PTPN20: variants seen among roughly 807,000 people sequenced by gnomAD.
PTPN20 encodes the protein protein tyrosine phosphatase non-receptor type 20.
PTPN20 carries 9 observed loss-of-function variants against 35.0 expected under a neutral mutation model. The ratio of observed to expected loss-of-function variants is 0.26; its 90% confidence interval spans 0.15 to 0.45. The LOEUF (loss-of-function observed/expected upper bound fraction) is 0.45. Ranked by LOEUF, PTPN20 falls within the 20% of genes least tolerant of loss-of-function variation. The probability of loss-of-function intolerance (pLI) is 1.00; values close to 1 mark genes in which losing one functional copy is unlikely to be tolerated. For synonymous variants in PTPN20, 32 were observed against 100.2 expected (o/e 0.32, Z 4.06); for missense variants, 111 against 312.5 (o/e 0.36, Z 4.86).
At chr10:47,000,194 G>C (rs2059863126) in intron 10 of PTPN20, among the ~76,000 whole-genome samples, 1 of 152,086 alleles carries the variant, frequency 6.6e-6, no homozygotes, top group Non-Finnish European at 1.5e-5. Flanking sequence ...AGATAGAAGG[G>C]GAGGAGCCAA....
At chr10:46,998,219 C>T (rs965841207) in intron 9 of PTPN20, among the ~76,000 whole-genome samples, 9 of 152,108 alleles carry the variant, frequency 5.9e-5, no homozygotes, top group Non-Finnish European at 1.2e-4. Context: ...AAAACCAGAA[C>T]AACCCAGATG....
chr10:46,995,749 G>A (rs2058988872), intron 9 of PTPN20, among the ~76,000 whole-genome samples: 1 of 152,172 alleles, frequency 6.6e-6, no homozygotes, highest in Non-Finnish European at 1.5e-5. Context: ...CAGATGGTGG[G>A]AAACCTGGAT....
At position 46,994,715 on chromosome 10, in the gene PTPN20, C is replaced by T. The variant is rs1047899764; in HGVS notation, c.1135-5197C>T. Reference sequence around the variant, plus strand: ...TATTTCTTTGAATAAGCTTCCTACCCCTTGCTCTTGTTCAACTCCCTCTTG... The same window carrying T: ...TATTTCTTTGAATAAGCTTCCTACCTCTTGCTCTTGTTCAACTCCCTCTTG... On this transcript the variant is annotated intron_variant, in intron 9 of 10. Transcript: ENST00000374339. Among the ~76,000 whole-genome samples the T allele has an allele frequency of 4.8e-4, 73 of 152,172 alleles. 2 individuals carry two copies. The East Asian group carries it at 0.013, about 27-fold the overall frequency.
At chr10:46,953,308 T>C (rs2994137) in intron 5 of PTPN20, among the ~76,000 whole-genome samples, 2 of 147,038 alleles carry the variant, frequency 1.4e-5, no homozygotes, top group Non-Finnish European at 2.9e-5. Context: ...ATTTTTCTAC[T>C]TTTCCAATGT....
Position 46,949,407 on chromosome 10 carries a change from G to T in PTPN20, c.340+2732G>T, listed in dbSNP as rs1229068963. Among the ~76,000 whole-genome samples the T allele has an allele frequency of 3.1e-4, 47 of 152,298 alleles. No individual in the cohort carries two copies. In the South Asian group the frequency reaches 9.3e-3, roughly 30 times the overall value. On this transcript the variant is annotated intron_variant, in intron 5 of 10. Coordinates refer to ENST00000374339, the MANE Select transcript of PTPN20 (RefSeq NM_001042357.5). ...TTCTTTCCCATTTGTATAGTGCCTG[G>T]TATCTCTTTCTCCCTTGAACTGCCA...
At chr10:46,994,950 G>A (rs948502758) in intron 9 of PTPN20, among the ~76,000 whole-genome samples, 1 of 152,134 alleles carries the variant, frequency 6.6e-6, no homozygotes, top group East Asian at 1.9e-4. Flanking sequence ...TCAGCTCCAA[G>A]ATTTCTATTT....
At chr10:47,000,551 A>C in intron 10 of PTPN20, 125 bp from the exon 11 acceptor site, 1 of 1,033,152 alleles carries the variant, frequency 9.7e-7, no homozygotes, top group Non-Finnish European at 1.5e-6. Flanking sequence ...AAGTGTTTAT[A>C]GTTAAATGTT....
intron 5 of PTPN20, among the ~76,000 whole-genome samples, chr10:46,954,085 GTTT>G (rs782056216): frequency 2.6e-5 from 2 of 75,686 alleles, no homozygotes; most frequent in Non-Finnish European, 2.5e-5. Flanking sequence ...TTAGTTTTTA[GTTT>G]TTTTTTTTTT....
intron 5 of PTPN20, among the ~76,000 whole-genome samples, chr10:46,947,212 G>GTATATATA (rs1163672605): frequency 2.5e-4 from 32 of 129,632 alleles, no homozygotes; most frequent in Non-Finnish European, 3.3e-4. Context: ...ATGTGTATGT[G>GTATATATA]TATATATATA....
chr10:47,002,868 C>A (rs1197976504), downstream of PTPN20, among the ~76,000 whole-genome samples: 1 of 151,890 alleles, frequency 6.6e-6, no homozygotes, highest in African/African-American at 2.4e-5. Context: ...ATTGAATTTT[C>A]AGCTAAATTT....
chr10:46,928,581 G>A (rs1360967250), intron 1 of PTPN20, among the ~76,000 whole-genome samples: 1 of 151,960 alleles, frequency 6.6e-6, no homozygotes, highest in East Asian at 1.9e-4. Flanking sequence ...TTCCCTCTGA[G>A]CCCCCAGTCC....
At chr10:46,939,699 A>G (rs2042832997) in intron 2 of PTPN20, among the ~76,000 whole-genome samples, 1 of 151,586 alleles carries the variant, frequency 6.6e-6, no homozygotes, top group Admixed American at 6.6e-5. Flanking sequence ...CCTTTTTTGT[A>G]AACACATTTA....
intron 2 of PTPN20, among the ~76,000 whole-genome samples, chr10:46,939,852 A>G (rs1458938851): frequency 1.3e-5 from 2 of 151,524 alleles, no homozygotes; most frequent in Admixed American, 6.6e-5. Flanking sequence ...TTTCTATTAG[A>G]TTTCCTTTTT....
At chr10:46,925,403 C>T (rs1357567594) in intron 1 of PTPN20, among the ~76,000 whole-genome samples, 1 of 146,974 alleles carries the variant, frequency 6.8e-6, no homozygotes, top group African/African-American at 2.5e-5. Context: ...TATTTTCCAC[C>T]TATTACCTCA....
At position 46,937,854 on chromosome 10, in the gene PTPN20, C is replaced by T. The variant is rs1263094410; in HGVS notation, c.35-2769C>T. On this transcript the variant is annotated intron_variant, in intron 2 of 10. Coordinates refer to ENST00000374339, the MANE Select transcript of PTPN20 (RefSeq NM_001042357.5). ...TTATACTTTTCTATTCCTTGGCATA[C>T]CTGTTAATTGTTTACTACACATTGT... 2.7e-5 allele frequency among the ~76,000 whole-genome samples: 4 copies of T among 150,792 alleles called. 1 individual carries two copies. The South Asian group carries it at 6.3e-4, about 24-fold the overall frequency.
Position 46,940,485 on chromosome 10 carries a change from T to C in PTPN20, c.35-138T>C. ...AGAAAGAGATGATTACCATAGGAGA[T>C]AAAGATGGGGTGTTTGGAAAACAGG... On this transcript the variant is annotated intron_variant, in intron 2 of 10. Coordinates refer to ENST00000374339, the MANE Select transcript of PTPN20 (RefSeq NM_001042357.5). The C allele has an allele frequency of 1.0e-5, 9 of 874,618 alleles. No individual in the cohort carries two copies. In the South Asian group the frequency reaches 1.2e-4, roughly 11 times the overall value. 54.2% of individuals were successfully genotyped at this position (874,618 alleles called of 1,614,324 possible).
At chr10:46,977,442 A>C (rs1413639282) in intron 7 of PTPN20, among the ~76,000 whole-genome samples, 2 of 152,292 alleles carry the variant, frequency 1.3e-5, no homozygotes, top group Non-Finnish European at 2.9e-5. Context: ...TTTATGAATT[A>C]CTTCCCTAAT....
intron 9 of PTPN20, among the ~76,000 whole-genome samples, chr10:46,996,136 G>A (rs935397156): frequency 2.0e-5 from 3 of 152,026 alleles, no homozygotes; most frequent in Non-Finnish European, 4.4e-5. Flanking sequence ...AAGTCTTAAT[G>A]GTTCCTTTGC....
At chr10:46,965,935 T>TTCA (rs2050455216) in intron 6 of PTPN20, among the ~76,000 whole-genome samples, 29 of 76,746 alleles carry the variant, frequency 3.8e-4, no homozygotes, top group Non-Finnish European at 5.8e-4. Context: ...TTTTTTTTTT[T>TTCA]GAGATGAGTC....
Sources: gnomAD v4.1 joint callset for allele counts (sites outside exome capture counted in the v4.1 genomes callset) on GRCh38, gnomAD v4.1.1 for gene constraint, MANE v1.5 for transcripts, NCBI Gene and HGNC (gene_info 2026-07-23, HGNC 2026-07-21) for gene names.